The following MKRN1 variants were observed in gnomAD, a reference collection of about 807,000 sequenced individuals.
MKRN1 encodes E3 ubiquitin-protein ligase makorin-1.
Under a neutral mutation model 55.5 loss-of-function variants are expected in MKRN1, and 9 were observed. That is an observed-to-expected ratio of 0.16 (90% CI 0.10 to 0.28). The LOEUF (loss-of-function observed/expected upper bound fraction) is 0.28, where lower values mean the gene tolerates loss of function less well. MKRN1 is among the 10% of genes least tolerant of loss of function. The probability of loss-of-function intolerance (pLI) is 1.00; values close to 1 mark genes in which losing one functional copy is unlikely to be tolerated. For synonymous variants in MKRN1, 253 were observed against 235.9 expected (o/e 1.07, Z -0.66); for missense variants, 488 against 626.7 (o/e 0.78, Z 2.36).
chr7:140,456,328 A>G, intron 5 of MKRN1: 1 of 1,214,392 alleles, frequency 8.2e-7, no homozygotes, highest in Non-Finnish European at 1.0e-6. Context: ...GTGGAAATGT[A>G]AAACGTCAGG....
At chr7:140,475,945 T>C (rs910818129) in intron 1 of MKRN1, among the ~76,000 whole-genome samples, 8 of 152,142 alleles carry the variant, frequency 5.3e-5, no homozygotes, top group Non-Finnish European at 1.2e-4. Context: ...AGCCTGGTGG[T>C]GGCAGCATAA....
chr7:140,455,224 C>A lies in MKRN1; in HGVS notation c.1107G>T (p.Ala369=). 1.2e-6 allele frequency: 2 copies of A among 1,614,014 alleles called. No homozygotes were observed. Among genetic ancestry groups the A allele is most frequent in the Non-Finnish European group, 8.5e-7 (1 of 1,179,996 alleles). The change falls in exon 7 of 8, where the codon GCG becomes GCT. Residue 369 remains alanine (A), a synonymous_variant. Coordinates refer to ENST00000255977, the MANE Select transcript of MKRN1 (RefSeq NM_013446.4). ...LKYKEAMSNK[A]CRYFDEGRGS... Reference sequence around the variant, plus strand: ...CACGTCCTTCATCAAAATACCTGCACGCCTTGTTGCTGGAAAGGAAAATAT... The same window carrying A: ...CACGTCCTTCATCAAAATACCTGCAAGCCTTGTTGCTGGAAAGGAAAATAT...
rs976366087 is a variant in MKRN1, at chr7:140,479,092, C to T, written c.185+68G>A. ...AGCCGCAGGCCGGCCGCCCTCCTCC[C>T]TCCCGCGCCGCAGGCTTGGCCCGCG... On this transcript the variant is annotated intron_variant, in intron 1 of 7. Coordinates refer to ENST00000255977, the MANE Select transcript of MKRN1 (RefSeq NM_013446.4). 56 of 1,258,280 alleles carry T rather than the reference C, an allele frequency of 4.5e-5. No homozygotes were observed. The African/African-American group carries it at 6.6e-4, about 15-fold the overall frequency. The allele number at this position is 1,258,280 out of a possible 1,614,324, so 77.9% of individuals were successfully genotyped here.
rs1001281937 is a variant in MKRN1 at position 140,460,047 on chromosome 7, G to A, written c.315-111C>T. ...GGATCACCAGAGAGGTTGGGAGTTC[G>A]AGACCAGCCTGGCCAATGTGGTGAA... On this transcript the variant is annotated intron_variant, in intron 2 of 7. Coordinates refer to ENST00000255977, the MANE Select transcript of MKRN1 (RefSeq NM_013446.4). The A allele has an allele frequency of 1.3e-5, 12 of 922,600 alleles. No homozygotes were observed. In the East Asian group the frequency reaches 1.6e-4, roughly 12 times the overall value. 57.2% of individuals were successfully genotyped at this position (922,600 alleles called of 1,614,324 possible).
chr7:140,455,781 T>C lies in MKRN1; in HGVS notation c.1097+9A>G. The C allele has an allele frequency of 6.3e-7, 1 of 1,599,740 alleles. No homozygotes were observed. On this transcript the variant is annotated intron_variant, in intron 6 of 7. Transcript: ENST00000255977. ...CTCTTCGCTTGAGAAAAGGCTGCAGTGCTCATACCTCATTGCCTCCTTGTA... is the reference window on the plus strand; with the variant it reads ...CTCTTCGCTTGAGAAAAGGCTGCAGCGCTCATACCTCATTGCCTCCTTGTA...
chr7:140,456,432 TCTAA>T, intron 5 of MKRN1: 1 of 1,388,332 alleles, frequency 7.2e-7, no homozygotes, highest in East Asian at 2.8e-5. Context: ...GCACGAAGAT[TCTAA>T]CTGATACACA....
intron 1 of MKRN1, among the ~76,000 whole-genome samples, chr7:140,477,440 C>T (rs1166531681): frequency 6.6e-6 from 1 of 152,146 alleles, no homozygotes; most frequent in Non-Finnish European, 1.5e-5. Context: ...CCTGCCTCAG[C>T]CTCCGGAGTA....
intron 2 of MKRN1, among the ~76,000 whole-genome samples, chr7:140,471,116 C>T (rs934549540): frequency 2.6e-5 from 4 of 152,118 alleles, no homozygotes; most frequent in Non-Finnish European, 5.9e-5. Flanking sequence ...GTTTCTGGGG[C>T]TCATGCTTGT....
chr7:140,467,853 T>C (rs1794816341), intron 2 of MKRN1, among the ~76,000 whole-genome samples: 1 of 151,618 alleles, frequency 6.6e-6, no homozygotes, highest in Non-Finnish European at 1.5e-5. Context: ...AAATACAAAA[T>C]TAGCTGGGCA....
intron 1 of MKRN1, chr7:140,475,150 T>C (rs536622088): frequency 2.7e-6 from 1 of 369,848 alleles, no homozygotes; most frequent in South Asian, 1.9e-5. Context: ...AAGACCAGCC[T>C]GGGCAACATG....
At chr7:140,476,786 A>AT (rs1475470480) in intron 1 of MKRN1, among the ~76,000 whole-genome samples, 2 of 152,064 alleles carry the variant, frequency 1.3e-5, no homozygotes, top group Admixed American at 1.3e-4. Context: ...AAAGTGAACG[A>AT]TAAGGATCAT....
intron 4 of MKRN1, among the ~76,000 whole-genome samples, chr7:140,457,431 C>A (rs1794500697): frequency 6.6e-6 from 1 of 152,110 alleles, no homozygotes; most frequent in Non-Finnish European, 1.5e-5. Flanking sequence ...CATATTTTAA[C>A]TTATAAAAAA....
At chr7:140,469,489 A>G (rs1041106606) in intron 2 of MKRN1, among the ~76,000 whole-genome samples, 3 of 152,200 alleles carry the variant, frequency 2.0e-5, no homozygotes, top group East Asian at 1.9e-4. Flanking sequence ...ATCAGTGGAA[A>G]TAACAGTATA....
chr7:140,466,576 G>A (rs1464253027), intron 2 of MKRN1, among the ~76,000 whole-genome samples: 5 of 150,856 alleles, frequency 3.3e-5, no homozygotes, highest in East Asian at 2.0e-4. Flanking sequence ...AGGCCGAGGC[G>A]GGTGGATCAT....
At position 140,455,221 on chromosome 7, in the gene MKRN1, G is replaced by A. The variant is rs1794433061; in HGVS notation, c.1110C>T (p.Cys370=). The change falls in exon 7 of 8, where the codon TGC becomes TGT. Residue 370 remains cysteine (C), a synonymous_variant. Coordinates refer to ENST00000255977, the MANE Select transcript of MKRN1 (RefSeq NM_013446.4). The part of the protein sequence containing the change: ...KYKEAMSNKA[C]RYFDEGRGSC... ...TCCCACGTCCTTCATCAAAATACCT[G>A]CACGCCTTGTTGCTGGAAAGGAAAA... The A allele has an allele frequency of 6.2e-7, 1 of 1,613,856 alleles. No homozygotes were observed. The highest frequency in any genetic ancestry group is 8.5e-7 in the Non-Finnish European group (1 of 1,180,020).
chr7:140,479,014 CGCGAGGGCT>C (rs1795208507), intron 1 of MKRN1, 137 bp downstream of exon 1: 1 of 1,025,372 alleles, frequency 9.8e-7, no homozygotes, highest in Admixed American at 4.5e-5. Context: ...CAGCGGGGGC[CGCGAGGGCT>C]GCAGAGATCG....
chr7:140,453,525 G>C lies in MKRN1; in HGVS notation c.*992C>G, dbSNP rs1413730199. On this transcript the variant is annotated 3_prime_UTR_variant, in exon 8 of 8. Transcript: ENST00000255977. The stretch of plus-strand genomic sequence containing the variant: ...CTCAGAAAGTGCCTGTACTGGAAAG[G>C]CTAGATCGTAAAACATTAAATACAA... 2.0e-5 allele frequency: 3 copies of C among 152,574 alleles called. No individual in the cohort carries two copies. Among genetic ancestry groups the C allele is most frequent in the Non-Finnish European group, 4.4e-5 (3 of 68,038 alleles). 9.5% of individuals were successfully genotyped at this position (152,574 alleles called of 1,614,324 possible).
At chr7:140,457,707 T>A (rs1238354409) in intron 4 of MKRN1, among the ~76,000 whole-genome samples, 2 of 149,462 alleles carry the variant, frequency 1.3e-5, no homozygotes, top group African/African-American at 5.1e-5. Context: ...CAAAAAAAAA[T>A]AAAAATAAAA....
intron 4 of MKRN1, 194 bp from the exon 5 acceptor site, chr7:140,457,060 G>C (rs527655336): frequency 1.6e-6 from 1 of 621,236 alleles, no homozygotes; most frequent in Admixed American, 3.1e-5. Flanking sequence ...TTGTTTTTGC[G>C]GTGGTACTTA....
Sources: gnomAD v4.1 joint callset for allele counts (sites outside exome capture counted in the v4.1 genomes callset) on GRCh38, gnomAD v4.1.1 for gene constraint, MANE v1.5 for transcripts, NCBI Gene and HGNC (gene_info 2026-07-23, HGNC 2026-07-21) for gene names.